The following SLC27A4 variants were observed in gnomAD, a reference collection of about 807,000 sequenced individuals.
SLC27A4 encodes solute carrier family 27 member 4.
A neutral mutation model predicts 64.4 loss-of-function variants in SLC27A4; 33 were observed. That is an observed-to-expected ratio of 0.51 (90% confidence interval 0.39 to 0.68). The LOEUF is 0.68. Ranked by LOEUF, SLC27A4 falls within the 30% of genes least tolerant of loss-of-function variation. The probability of loss-of-function intolerance (pLI) is 0.00; values close to 1 mark genes in which losing one functional copy is unlikely to be tolerated. For missense variants in SLC27A4, 824 were observed against 883.5 expected, an observed-to-expected ratio of 0.93 and a Z score of 0.85; for synonymous variants, 377 against 370.0, an observed-to-expected ratio of 1.02 and a Z score of -0.22.
At chr9:128,341,070 C>G (rs765453587) in intron 1 of SLC27A4, among the ~76,000 whole-genome samples, 15 of 152,256 alleles carry the variant, frequency 9.9e-5, no homozygotes, top group Non-Finnish European at 1.8e-4. Context: ...CCTTCCAGGA[C>G]AGGTTCCTGC....
In SLC27A4 at chr9:128,361,105, G is replaced by A. The variant is rs1342069220; in HGVS notation, c.*614G>A. The A allele has an allele frequency of 6.2e-6, 1 of 161,778 alleles. No homozygotes were observed. The highest frequency in any genetic ancestry group is 1.4e-5 in the Non-Finnish European group (1 of 72,930). The allele number at this position is 161,778 out of a possible 1,614,324, so 10.0% of individuals were successfully genotyped here. On this transcript the variant is annotated 3_prime_UTR_variant, in exon 13 of 13. Transcript: ENST00000300456. ...TGGCTGCCTGATTATCCCTCAGGCAGGGCCTCTCAGTCCTTGTGGGTCTGT... is the reference window on the plus strand; with the variant it reads ...TGGCTGCCTGATTATCCCTCAGGCAAGGCCTCTCAGTCCTTGTGGGTCTGT...
rs904189601 is a variant in SLC27A4, at chr9:128,346,469, C to T, written c.556+920C>T. Among the ~76,000 whole-genome samples, 5 of 146,806 alleles carry T rather than the reference C, an allele frequency of 3.4e-5. No individual in the cohort carries two copies. In the South Asian group the frequency reaches 6.6e-4, roughly 19 times the overall value. On this transcript the variant is annotated intron_variant, in intron 3 of 12. Coordinates refer to ENST00000300456, the MANE Select transcript of SLC27A4 (RefSeq NM_005094.4). ...CAGGCTGGTCTCCAATCCCTGACCT[C>T]GTGATCCACCCGCCTCGGCCTCCCA...
At chr9:128,349,212 A>G (rs1832699948) in intron 4 of SLC27A4, among the ~76,000 whole-genome samples, 2 of 151,906 alleles carry the variant, frequency 1.3e-5, no homozygotes, top group African/African-American at 4.8e-5. Context: ...CTTCTTTTAT[A>G]CTGTAGCCTA....
At chr9:128,352,126 C>A (rs1187635904) in intron 6 of SLC27A4, among the ~76,000 whole-genome samples, 1 of 150,630 alleles carries the variant, frequency 6.6e-6, no homozygotes. Flanking sequence ...ACCCGGAAGG[C>A]GGAGCTTGCA....
intron 1 of SLC27A4, among the ~76,000 whole-genome samples, chr9:128,341,091 T>C (rs185352324): frequency 1.3e-5 from 2 of 152,342 alleles, no homozygotes; most frequent in East Asian, 3.9e-4. Context: ...CCCTCTGCTA[T>C]GGCGGGCTAT....
In SLC27A4 at chr9:128,353,014, T is replaced by C; in HGVS notation, c.988-11T>C. 1 of 1,610,236 alleles carries C rather than the reference T, an allele frequency of 6.2e-7. No individual in the cohort carries two copies. The highest frequency in any genetic ancestry group is 1.1e-5 in the South Asian group (1 of 90,574). Reference sequence around the variant, plus strand: ...CTCTGGAGCCTCGAATCACACCAAGTTCACCCCCAGATTGTGCAGTACATT... The same window carrying C: ...CTCTGGAGCCTCGAATCACACCAAGCTCACCCCCAGATTGTGCAGTACATT... On this transcript the variant is annotated splice_polypyrimidine_tract_variant and intron_variant, in intron 7 of 12. Coordinates refer to ENST00000300456, the MANE Select transcript of SLC27A4 (RefSeq NM_005094.4). This position sits in a 1 kb window ranked among gnomAD's most constrained non-coding sequence, Gnocchi z 4.9.
rs1832877957 is a variant in SLC27A4 at position 128,360,266 on chromosome 9, A to G, written c.1775-68A>G. The G allele has an allele frequency of 2.6e-6, 4 of 1,556,820 alleles. No individual in the cohort carries two copies. The Admixed American group carries it at 6.7e-5, about 26-fold the overall frequency. On this transcript the variant is annotated intron_variant, in intron 12 of 12. Coordinates refer to ENST00000300456, the MANE Select transcript of SLC27A4 (RefSeq NM_005094.4). ...AGCCCTGCTCCCTGCCTTCCTCAGT[A>G]CTGGTGGTTGGGAAGCTGGGAGCTC... is the stretch of plus-strand genomic sequence containing the variant.
rs1247256398 is a variant in SLC27A4 at position 128,353,674 on chromosome 9, T to G, written c.1324+133T>G. ...GCTCTTAGGGTTACAAGTTACTCAT[T>G]TATTTGTGTATCCATCCATTCATTC... On this transcript the variant is annotated intron_variant, in intron 9 of 12. Coordinates refer to ENST00000300456, the MANE Select transcript of SLC27A4 (RefSeq NM_005094.4). The surrounding 1 kb of genome is among the most constrained non-coding windows in gnomAD (Gnocchi z 4.9). The G allele has an allele frequency of 1.4e-5, 12 of 858,802 alleles. No homozygotes were observed. The highest frequency in any genetic ancestry group is 2.1e-5 in the Non-Finnish European group (12 of 558,260). The allele number at this position is 858,802 out of a possible 1,614,324, so 53.2% of individuals were successfully genotyped here.
chr9:128,360,571 C>T lies in SLC27A4; in HGVS notation c.*80C>T. ...GCCCCAGAGCGGTCCTGGACAAGGC[C>T]AGACCAAAGCAAGCAGGGCCTGGCA... On this transcript the variant is annotated 3_prime_UTR_variant, in exon 13 of 13. Coordinates refer to ENST00000300456, the MANE Select transcript of SLC27A4 (RefSeq NM_005094.4). The T allele has an allele frequency of 6.6e-7, 1 of 1,509,370 alleles. No individual in the cohort carries two copies. The highest frequency in any genetic ancestry group is 1.4e-5 in the African/African-American group (1 of 72,704). The allele number at this position is 1,509,370 out of a possible 1,614,324, so 93.5% of individuals were successfully genotyped here. A position where few individuals can be genotyped will look rare whatever the true frequency, so the allele number is the denominator to read the frequency against.
Position 128,355,580 on chromosome 9 carries a change from C to T in SLC27A4, c.1627+18C>T, listed in dbSNP as rs372294053. The T allele has an allele frequency of 1.6e-5, 25 of 1,608,074 alleles. No homozygotes were observed. Among genetic ancestry groups the T allele is most frequent in the South Asian group, 3.3e-5 (3 of 91,088 alleles). On this transcript the variant is annotated intron_variant, in intron 11 of 12. Transcript: ENST00000300456. Reference sequence around the variant, plus strand: ...GGTGCCAGGTATGTGCAGGCAGGCGCGAGGTGTGGGTAGGGAGGCACCACC... The same window carrying T: ...GGTGCCAGGTATGTGCAGGCAGGCGTGAGGTGTGGGTAGGGAGGCACCACC...
chr9:128,359,106 T>C (rs1832862039), intron 12 of SLC27A4, among the ~76,000 whole-genome samples: 1 of 152,150 alleles, frequency 6.6e-6, no homozygotes, highest in Non-Finnish European at 1.5e-5. Flanking sequence ...TCTGCAGCCA[T>C]TTTTGGTAGT....
In SLC27A4 at chr9:128,353,576, G is replaced by T. The variant is rs1461634605; in HGVS notation, c.1324+35G>T. On this transcript the variant is annotated intron_variant, in intron 9 of 12. Transcript: ENST00000300456. This position sits in a 1 kb window ranked among gnomAD's most constrained non-coding sequence, Gnocchi z 4.9. ...TTCGGGGTCAGAGAGGGAGGGGTTGGCCTGGGAAGGAAGGAGGCCAGGCGC... is the reference window on the plus strand; with the variant it reads ...TTCGGGGTCAGAGAGGGAGGGGTTGTCCTGGGAAGGAAGGAGGCCAGGCGC... 1 of 1,610,042 alleles carries T rather than the reference G, an allele frequency of 6.2e-7. No homozygotes were observed. The highest frequency in any genetic ancestry group is 1.1e-5 in the South Asian group (1 of 90,812).
At chr9:128,357,602 G>T (rs1464973367) in intron 12 of SLC27A4, among the ~76,000 whole-genome samples, 4 of 152,206 alleles carry the variant, frequency 2.6e-5, no homozygotes, top group Non-Finnish European at 5.9e-5. Context: ...TGGGCAGCGG[G>T]CCCGCAGTCG....
intron 4 of SLC27A4, 103 bp from the exon 5 acceptor site, chr9:128,350,209 G>A: frequency 1.1e-6 from 1 of 879,938 alleles, no homozygotes; most frequent in Admixed American, 1.9e-5. Flanking sequence ...AGGGTGTGAT[G>A]GGAACAGGTG....
At chr9:128,359,327 A>G (rs1588568530) in intron 12 of SLC27A4, among the ~76,000 whole-genome samples, 1 of 151,982 alleles carries the variant, frequency 6.6e-6, no homozygotes, top group Non-Finnish European at 1.5e-5. Context: ...CATCTCTACA[A>G]GAAATACAAA....
At chr9:128,347,267 A>AT (rs1156883165) in intron 3 of SLC27A4, among the ~76,000 whole-genome samples, 1 of 152,194 alleles carries the variant, frequency 6.6e-6, no homozygotes, top group African/African-American at 2.4e-5. Context: ...TCTTGGTTTT[A>AT]TGGATGATGA....
At chr9:128,356,254 C>G (rs1832818795) in intron 12 of SLC27A4, among the ~76,000 whole-genome samples, 1 of 152,162 alleles carries the variant, frequency 6.6e-6, no homozygotes, top group South Asian at 2.1e-4. Flanking sequence ...TCAGCTGAGA[C>G]CTGAATGAAA....
chr9:128,348,022 C>T (rs919471516), intron 3 of SLC27A4, among the ~76,000 whole-genome samples: 2 of 152,028 alleles, frequency 1.3e-5, no homozygotes, highest in Non-Finnish European at 2.9e-5. Flanking sequence ...GCTCCATGCC[C>T]GGGGGTGGGG....
intron 3 of SLC27A4, 69 bp from the exon 4 acceptor site, chr9:128,348,476 C>T: frequency 5.0e-6 from 8 of 1,591,780 alleles, no homozygotes; most frequent in Middle Eastern, 1.8e-4. Context: ...GCCAGCCCTG[C>T]TGGGAGCAGA....
Sources: gnomAD v4.1 joint callset for allele counts (sites outside exome capture counted in the v4.1 genomes callset) on GRCh38, gnomAD v4.1.1 for gene constraint, Gnocchi (gnomAD v3.1) non-coding constraint, MANE v1.5 for transcripts, NCBI Gene and HGNC (gene_info 2026-07-23, HGNC 2026-07-21) for gene names.